C5AR2: variants seen among roughly 807,000 people sequenced by gnomAD.
The protein encoded by C5AR2 is complement C5a receptor 2, also known as C5a anaphylatoxin chemotactic receptor 2.
For missense variants in C5AR2, 458 were observed against 467.5 expected (o/e 0.98, Z 0.19); for synonymous variants, 224 against 216.5 (o/e 1.03, Z -0.30).
chr19:47,341,323 T>C lies in C5AR2; in HGVS notation c.524T>C (p.Leu175Pro). ...GTGCCCTCCGCCATCTACCGCCGGCTGCACCAGGAGCACTTCCCAGCCCGG... is the reference window on the plus strand; with the variant it reads ...GTGCCCTCCGCCATCTACCGCCGGCCGCACCAGGAGCACTTCCCAGCCCGG... ...LTVPSAIYRRLHQEHFPARLQ... is the reference protein window; with the variant it reads ...LTVPSAIYRRPHQEHFPARLQ... The change falls in exon 2 of 2, where the codon CTG (leucine) becomes CCG (proline). Residue 175 changes from leucine to proline, a missense_variant. By Grantham distance (98) the Leu-to-Pro change is moderately conservative. Coordinates refer to ENST00000595464, the MANE Select transcript of C5AR2 (RefSeq NM_001271749.2). The surrounding 1 kb of genome is among the most constrained non-coding windows in gnomAD (Gnocchi z 4.6). The C allele has an allele frequency of 1.9e-6, 3 of 1,611,200 alleles. No individual in the cohort carries two copies. The highest frequency in any genetic ancestry group is 2.5e-6 in the Non-Finnish European group (3 of 1,179,872).
Position 47,340,901 on chromosome 19 carries a change from G to T in C5AR2, c.102G>T (p.Leu34=). 3.7e-6 allele frequency: 6 copies of T among 1,613,072 alleles called. No homozygotes were observed. Among genetic ancestry groups the T allele is most frequent in the Non-Finnish European group, 5.1e-6 (6 of 1,179,952 alleles). The change falls in exon 2 of 2, where the codon CTG becomes CTT. Residue 34 remains leucine, a synonymous_variant. Coordinates refer to ENST00000595464, the MANE Select transcript of C5AR2 (RefSeq NM_001271749.2). ...LDGACLAIDP[L]RVAPLPLYAA... Reference sequence around the variant, plus strand: ...GCGCCTGCCTGGCCATCGACCCGCTGCGCGTGGCCCCGCTCCCACTGTATG... The same window carrying T: ...GCGCCTGCCTGGCCATCGACCCGCTTCGCGTGGCCCCGCTCCCACTGTATG...
rs1327745200 is a variant in C5AR2 at position 47,341,455 on chromosome 19, G to A, written c.656G>A (p.Cys219Tyr). The change falls in exon 2 of 2, where the codon TGC (cysteine) becomes TAC (tyrosine). Residue 219 changes from cysteine to tyrosine, a missense_variant. Physicochemically the swap from Cys to Tyr is radical, Grantham distance 194. Coordinates refer to ENST00000595464, the MANE Select transcript of C5AR2 (RefSeq NM_001271749.2). The surrounding 1 kb of genome is among the most constrained non-coding windows in gnomAD (Gnocchi z 4.6). ...FLGPLVAVAS[C>Y]HSALLCWAAR... ...GGGCCCCTGGTGGCCGTGGCCAGCTGCCACAGTGCCCTCCTGTGCTGGGCA... is the reference window on the plus strand; with the variant it reads ...GGGCCCCTGGTGGCCGTGGCCAGCTACCACAGTGCCCTCCTGTGCTGGGCA... 6.2e-6 allele frequency: 10 copies of A among 1,611,966 alleles called. No individual in the cohort carries two copies. The highest frequency in any genetic ancestry group is 5.0e-5 in the Admixed American group (3 of 60,018).
intron 1 of C5AR2, among the ~76,000 whole-genome samples, chr19:47,338,373 G>A (rs2059367113): frequency 1.3e-5 from 2 of 150,140 alleles, no homozygotes. Flanking sequence ...CTTGAGCCCA[G>A]GAGTTCGAGG....
Position 47,345,121 on chromosome 19 carries a change from T to G in C5AR2, c.*3308T>G, listed in dbSNP as rs1426749360. 2.0e-5 allele frequency: 3 copies of G among 152,694 alleles called. No homozygotes were observed. The highest frequency in any genetic ancestry group is 4.4e-5 in the Non-Finnish European group (3 of 68,538). The allele number at this position is 152,694 out of a possible 1,614,324, so 9.5% of individuals were successfully genotyped here. A position where few individuals can be genotyped will look rare whatever the true frequency, so the allele number is the denominator to read the frequency against. ...ACCTCCTGGGAATGCAGCCCATAGG[T>G]CTCAGCCTTATTTCACCCAGCTCCT... On this transcript the variant is annotated 3_prime_UTR_variant, in exon 2 of 2. Transcript: ENST00000595464.
In C5AR2 at chr19:47,336,551, A is replaced by C. The variant is rs193005937; in HGVS notation, c.-16+4202A>C. Among the ~76,000 whole-genome samples, 222 of 148,258 alleles carry C rather than the reference A, an allele frequency of 1.5e-3. 1 individual carries two copies. The highest frequency in any genetic ancestry group is 5.4e-3 in the African/African-American group (217 of 40,076). On this transcript the variant is annotated intron_variant, in intron 1 of 1. Transcript: ENST00000595464. ...GGGACAGGGTCTCACTCTGTTGCTC[A>C]GGCTGGAGTGCAGTGGCGCGATCAT...
chr19:47,333,005 T>C (rs1453478475), intron 1 of C5AR2, among the ~76,000 whole-genome samples: 3 of 151,922 alleles, frequency 2.0e-5, no homozygotes, highest in Non-Finnish European at 1.5e-5. Context: ...TTTCTTTCCT[T>C]TTCTCTCTTT....
Position 47,341,620 on chromosome 19 carries a change from C to CGCAGGCTTG in C5AR2, c.821_822insGCAGGCTTG (p.Pro274_Leu275insGlnAlaCys), listed in dbSNP as rs2122173875. Reference sequence around the variant, plus strand: ...CTGGCCAGGGCCCTGCGGGCTGAACCCCTCATCGTGGGCCTTGCCCTCGCT... The same window carrying CGCAGGCTTG: ...CTGGCCAGGGCCCTGCGGGCTGAACCGCAGGCTTGCCTCATCGTGGGCCTTGCCCTCGCT... On this transcript the variant is annotated inframe_insertion, in exon 2 of 2. Transcript: ENST00000595464. This position sits in a 1 kb window ranked among gnomAD's most constrained non-coding sequence, Gnocchi z 4.6. 6.2e-7 allele frequency: 1 copy of CGCAGGCTTG among 1,614,040 alleles called. No individual in the cohort carries two copies. Among genetic ancestry groups the CGCAGGCTTG allele is most frequent in the Non-Finnish European group, 8.5e-7 (1 of 1,179,998 alleles).
At chr19:47,335,415 G>A (rs1403008733) in intron 1 of C5AR2, among the ~76,000 whole-genome samples, 1 of 151,948 alleles carries the variant, frequency 6.6e-6, no homozygotes, top group Non-Finnish European at 1.5e-5. Context: ...ACGTTACAAA[G>A]GAAATGCCAT....
At chr19:47,332,663 T>C (rs2059344053) in intron 1 of C5AR2, among the ~76,000 whole-genome samples, 1 of 152,000 alleles carries the variant, frequency 6.6e-6, no homozygotes, top group Admixed American at 6.6e-5. Flanking sequence ...ACCTCCCAGG[T>C]TCAAGGGATT....
intron 1 of C5AR2, among the ~76,000 whole-genome samples, chr19:47,340,074 C>A (rs1322320489): frequency 1.3e-5 from 2 of 151,686 alleles, no homozygotes; most frequent in East Asian, 1.9e-4. Flanking sequence ...CCCACTTCAG[C>A]CTTTTCGGCA....
intron 1 of C5AR2, chr19:47,337,057 G>C (rs187635721): frequency 1.6e-4 from 23 of 143,192 alleles, no homozygotes; most frequent in African/African-American, 4.8e-4. Flanking sequence ...TTGTGGGGGT[G>C]GGGGGGTGGG....
At chr19:47,337,642 A>G (rs2059363521) in intron 1 of C5AR2, among the ~76,000 whole-genome samples, 1 of 150,466 alleles carries the variant, frequency 6.6e-6, no homozygotes, top group Non-Finnish European at 1.5e-5. Context: ...AGCCTGGATG[A>G]CAGAGCGAGA....
At chr19:47,334,741 C>T (rs2059351055) in intron 1 of C5AR2, among the ~76,000 whole-genome samples, 1 of 151,400 alleles carries the variant, frequency 6.6e-6, no homozygotes, top group Non-Finnish European at 1.5e-5. Context: ...TTTTTTGAGA[C>T]AGGGTCTCAC....
rs1442166119 is a variant in C5AR2, at chr19:47,344,681, G to T, written c.*2868G>T. On this transcript the variant is annotated 3_prime_UTR_variant, in exon 2 of 2. Coordinates refer to ENST00000595464, the MANE Select transcript of C5AR2 (RefSeq NM_001271749.2). ...ATTTATGCTCCTTCCAGAAAGAATGGGCTCTTCCTTTCTCTGAGTCTCTGG... is the reference window on the plus strand; with the variant it reads ...ATTTATGCTCCTTCCAGAAAGAATGTGCTCTTCCTTTCTCTGAGTCTCTGG... 2.6e-5 allele frequency: 4 copies of T among 152,054 alleles called. No homozygotes were observed. Among genetic ancestry groups the T allele is most frequent in the Non-Finnish European group, 5.9e-5 (4 of 68,026 alleles). 9.4% of individuals were successfully genotyped at this position (152,054 alleles called of 1,614,324 possible).
Position 47,340,779 on chromosome 19 carries a change from G to T in C5AR2, c.-15-6G>T. 6.2e-7 allele frequency: 1 copy of T among 1,612,872 alleles called. No homozygotes were observed. Among genetic ancestry groups the T allele is most frequent in the Non-Finnish European group, 8.5e-7 (1 of 1,179,748 alleles). On this transcript the variant is annotated splice_region_variant and splice_polypyrimidine_tract_variant and intron_variant, in intron 1 of 1. Coordinates refer to ENST00000595464, the MANE Select transcript of C5AR2 (RefSeq NM_001271749.2). Reference sequence around the variant, plus strand: ...TGAGTTTTCATCGTCTTTCTCTCCTGCCCAGACACCAGGAGCCTGAATGGG... The same window carrying T: ...TGAGTTTTCATCGTCTTTCTCTCCTTCCCAGACACCAGGAGCCTGAATGGG...
intron 1 of C5AR2, among the ~76,000 whole-genome samples, chr19:47,334,468 G>A (rs927491241): frequency 2.4e-4 from 33 of 138,412 alleles, no homozygotes; most frequent in African/African-American, 2.2e-4. Flanking sequence ...TGTCCATACA[G>A]AAAAAAAAAA....
At position 47,343,290 on chromosome 19, in the gene C5AR2, T is replaced by G. The variant is rs944409675; in HGVS notation, c.*1477T>G. 5 of 152,222 alleles carry G rather than the reference T, an allele frequency of 3.3e-5. No homozygotes were observed. Among genetic ancestry groups the G allele is most frequent in the Admixed American group, 3.3e-4 (5 of 15,278 alleles). The allele number at this position is 152,222 out of a possible 1,614,324, so 9.4% of individuals were successfully genotyped here. A position where few individuals can be genotyped will look rare whatever the true frequency, so the allele number is the denominator to read the frequency against. ...AGAAGGAACACAGACCTCCTGACAC[T>G]TTTAGACCTCTGATCCGCAGACCTT... On this transcript the variant is annotated 3_prime_UTR_variant, in exon 2 of 2. Coordinates refer to ENST00000595464, the MANE Select transcript of C5AR2 (RefSeq NM_001271749.2).
Position 47,341,687 on chromosome 19 carries a change from G to A in C5AR2, c.888G>A (p.Arg296=). Residue 296 remains arginine (R), a synonymous_variant, in exon 2 of 2, where the codon AGG becomes AGA. Transcript: ENST00000595464. The surrounding 1 kb of genome is among the most constrained non-coding windows in gnomAD (Gnocchi z 4.6). ...LNPMLFLYFG[R]AQLRRSLPAA... ...CCATGCTCTTCCTGTATTTTGGGAGGGCTCAACTCCGCCGGTCACTGCCAG... is the reference window on the plus strand; with the variant it reads ...CCATGCTCTTCCTGTATTTTGGGAGAGCTCAACTCCGCCGGTCACTGCCAG... The A allele has an allele frequency of 1.2e-6, 2 of 1,614,090 alleles. No homozygotes were observed. Among genetic ancestry groups the A allele is most frequent in the Non-Finnish European group, 1.7e-6 (2 of 1,180,020 alleles).
In C5AR2 at chr19:47,341,910, T is replaced by G. The variant is rs1599743466; in HGVS notation, c.*97T>G. The G allele has an allele frequency of 3.5e-6, 4 of 1,147,700 alleles. No individual in the cohort carries two copies. Among genetic ancestry groups the G allele is most frequent in the Non-Finnish European group, 5.0e-6 (4 of 796,152 alleles). The allele number at this position is 1,147,700 out of a possible 1,614,324, so 71.1% of individuals were successfully genotyped here. A position where few individuals can be genotyped will look rare whatever the true frequency, so the allele number is the denominator to read the frequency against. ...CAGGAGCTCAATGATGTCTTCATTTTATTCCTTCCTTCATTCAACAGATAT... is the reference window on the plus strand; with the variant it reads ...CAGGAGCTCAATGATGTCTTCATTTGATTCCTTCCTTCATTCAACAGATAT... On this transcript the variant is annotated 3_prime_UTR_variant, in exon 2 of 2. Transcript: ENST00000595464. The surrounding 1 kb of genome is among the most constrained non-coding windows in gnomAD (Gnocchi z 4.6).
Sources: allele counts gnomAD v4.1 joint callset (sites outside exome capture counted in the v4.1 genomes callset), GRCh38; gene constraint gnomAD v4.1.1; non-coding constraint Gnocchi (gnomAD v3.1); transcripts MANE v1.5; gene names NCBI Gene and HGNC (gene_info 2026-07-23, HGNC 2026-07-21).